BLK: variants seen among roughly 807,000 people sequenced by gnomAD.
BLK encodes the protein BLK proto-oncogene, Src family tyrosine kinase.
A neutral mutation model predicts 61.8 loss-of-function variants in BLK; 64 were observed. That is an observed-to-expected ratio of 1.03 (90% confidence interval 0.85 to 1.27). The LOEUF is 1.27. Among genes scored for constraint, BLK ranks in the 50% most tolerant of loss-of-function variants. The pLI is 0.00. For missense variants in BLK, 853 were observed against 660.5 expected, an observed-to-expected ratio of 1.29 and a Z score of -3.19; for synonymous variants, 351 against 272.0, an observed-to-expected ratio of 1.29 and a Z score of -2.86.
chr8:11,516,141 C>T (rs1799215889), intron 1 of BLK, among the ~76,000 whole-genome samples: 1 of 152,214 alleles, frequency 6.6e-6, no homozygotes, highest in Non-Finnish European at 1.5e-5. Context: ...AGACATGACG[C>T]TAAGAGGAGA....
At chr8:11,520,774 G>C (rs975000491) in intron 1 of BLK, among the ~76,000 whole-genome samples, 35 of 152,144 alleles carry the variant, frequency 2.3e-4, no homozygotes, top group Admixed American at 1.3e-3. Context: ...CAGATGATCT[G>C]TTTGTCTTTC....
chr8:11,535,621 G>A (rs1048160228), intron 1 of BLK, among the ~76,000 whole-genome samples: 2 of 152,204 alleles, frequency 1.3e-5, no homozygotes, highest in Non-Finnish European at 2.9e-5. Context: ...CGCCCATTTT[G>A]TAACCACTAA....
At chr8:11,495,411 T>C (rs889396175) in intron 1 of BLK, among the ~76,000 whole-genome samples, 1 of 152,124 alleles carries the variant, frequency 6.6e-6, no homozygotes, top group Admixed American at 6.5e-5. Context: ...ACTAAGAGTA[T>C]GGAAAGGGAG....
chr8:11,494,453 G>A lies in BLK; in HGVS notation c.-140G>A, dbSNP rs1285680079. 2.0e-5 allele frequency: 3 copies of A among 152,318 alleles called. No individual in the cohort carries two copies. Among genetic ancestry groups the A allele is most frequent in the Admixed American group, 6.5e-5 (1 of 15,290 alleles). The allele number at this position is 152,318 out of a possible 1,614,324, so 9.4% of individuals were successfully genotyped here. A position where few individuals can be genotyped will look rare whatever the true frequency, so the allele number is the denominator to read the frequency against. On this transcript the variant is annotated 5_prime_UTR_variant, in exon 1 of 13. Transcript: ENST00000259089. ...GCCACAAGCCATGAAAACTGATTGA[G>A]ATGAGAAGAATTCATCTGGGACTGG...
In BLK at chr8:11,543,244, A is replaced by G; in HGVS notation, c.20A>G (p.Lys7Arg). 6.2e-7 allele frequency: 1 copy of G among 1,614,022 alleles called. No homozygotes were observed. Among genetic ancestry groups the G allele is most frequent in the Non-Finnish European group, 8.5e-7 (1 of 1,180,006 alleles). MGLVSS[K>R]KPDKEKPIKE... is the part of the protein sequence containing the mutation. Reference sequence around the variant, plus strand: ...GACAGGATGGGGCTGGTAAGTAGCAAAAAGCCGGACAAGGAAAAGCCGATC... The same window carrying G: ...GACAGGATGGGGCTGGTAAGTAGCAGAAAGCCGGACAAGGAAAAGCCGATC... The change falls in exon 2 of 13, where the codon AAA becomes AGA. Residue 7 changes from lysine (K) to arginine (R), a missense_variant. Transcript: ENST00000259089.
At chr8:11,516,404 C>T (rs907407276) in intron 1 of BLK, among the ~76,000 whole-genome samples, 2 of 152,170 alleles carry the variant, frequency 1.3e-5, no homozygotes, top group Non-Finnish European at 2.9e-5. Flanking sequence ...TTCCCCCTTG[C>T]GGTGCAAAGA....
chr8:11,549,374 GAT>G, intron 5 of BLK, among the ~76,000 whole-genome samples: 1 of 152,338 alleles, frequency 6.6e-6, no homozygotes, highest in East Asian at 1.9e-4. Context: ...GGCTCCCCTG[GAT>G]GGAACCGGCC....
chr8:11,543,647 T>A (rs535275835), intron 2 of BLK, among the ~76,000 whole-genome samples: 3 of 152,312 alleles, frequency 2.0e-5, no homozygotes, highest in Admixed American at 2.0e-4. Context: ...CTGCAGCTAC[T>A]ACCTCTCTTC....
At chr8:11,545,141 A>G (rs1413095683) in intron 2 of BLK, among the ~76,000 whole-genome samples, 1 of 152,254 alleles carries the variant, frequency 6.6e-6, no homozygotes, top group Non-Finnish European at 1.5e-5. Flanking sequence ...CGTGTTACGC[A>G]TGTGAAACAT....
intron 3 of BLK, among the ~76,000 whole-genome samples, chr8:11,547,273 A>T (rs932277624): frequency 6.6e-6 from 1 of 152,244 alleles, no homozygotes; most frequent in African/African-American, 2.4e-5. Flanking sequence ...TTTCCTGCTG[A>T]GAAGAGGTGA....
chr8:11,504,367 G>GGAAGAAAGAAAAGAAAAGA (rs1554540059), intron 1 of BLK, among the ~76,000 whole-genome samples: 73 of 39,362 alleles, frequency 1.9e-3, no homozygotes, highest in Non-Finnish European at 3.6e-3. Context: ...AAGGAAGGAA[G>GGAAGAAAGAAAAGAAAAGA]AAAGAAAAGA....
intron 1 of BLK, among the ~76,000 whole-genome samples, chr8:11,499,683 A>G (rs1798484193): frequency 6.6e-6 from 1 of 152,186 alleles, no homozygotes. Context: ...GATCCAGGAA[A>G]TCCATGCCTC....
chr8:11,556,344 C>T (rs889511686), intron 8 of BLK: 3 of 419,450 alleles, frequency 7.2e-6, no homozygotes, highest in African/African-American at 6.1e-5. Context: ...ATAGAAGAGA[C>T]TCATTATGTA....
At chr8:11,554,289 C>T (rs1358192019) in intron 6 of BLK, 1 of 234,068 alleles carries the variant, frequency 4.3e-6, no homozygotes, top group Non-Finnish European at 8.4e-6. Flanking sequence ...CGGTGTCCGC[C>T]ATGGACATGG....
In BLK at chr8:11,550,122, G is replaced by C. The variant is rs192242424; in HGVS notation, c.369-37G>C. 3,548 of 1,574,898 alleles carry C rather than the reference G, an allele frequency of 2.3e-3. 9 individuals carry two copies. The highest frequency in any genetic ancestry group is 2.8e-3 in the Non-Finnish European group (3,251 of 1,144,622). On this transcript the variant is annotated intron_variant, in intron 5 of 12. Coordinates refer to ENST00000259089, the MANE Select transcript of BLK (RefSeq NM_001715.3). ...GTGTGGGAATACTCCGAGGAGCAGGGTCGCTCTGAGTTTCACCTGTTCCTG... is the reference window on the plus strand; with the variant it reads ...GTGTGGGAATACTCCGAGGAGCAGGCTCGCTCTGAGTTTCACCTGTTCCTG...
intron 1 of BLK, among the ~76,000 whole-genome samples, chr8:11,536,277 A>G (rs1249567005): frequency 6.6e-6 from 1 of 152,232 alleles, no homozygotes; most frequent in African/African-American, 2.4e-5. Context: ...AGTTTCATTC[A>G]TTTAGAGGAA....
intron 1 of BLK, among the ~76,000 whole-genome samples, chr8:11,540,425 T>C (rs1800324382): frequency 6.6e-6 from 1 of 152,190 alleles, no homozygotes; most frequent in African/African-American, 2.4e-5. Flanking sequence ...GCGGTTTTGA[T>C]TACAATCTTC....
At position 11,555,946 on chromosome 8, in the gene BLK, C is replaced by G. The variant is rs533046283; in HGVS notation, c.772+462C>G. The stretch of plus-strand genomic sequence containing the variant: ...TGGTGTCCTCACATTTCCATCGCTG[C>G]TGACACCTGCCCCCTTCCCCCCCCC... On this transcript the variant is annotated intron_variant, in intron 8 of 12. Coordinates refer to ENST00000259089, the MANE Select transcript of BLK (RefSeq NM_001715.3). The G allele has an allele frequency of 1.4e-5, 4 of 278,266 alleles. No homozygotes were observed. The East Asian group carries it at 3.6e-4, about 25-fold the overall frequency. The allele number at this position is 278,266 out of a possible 1,614,324, so 17.2% of individuals were successfully genotyped here.
At chr8:11,561,066 G>C (rs560525409) in intron 10 of BLK, 1 of 684,096 alleles carries the variant, frequency 1.5e-6, no homozygotes, top group Non-Finnish European at 2.7e-6. Context: ...AGAACGAGGA[G>C]GGGGAGGGGC....
Sources: gnomAD v4.1 joint callset for allele counts (sites outside exome capture counted in the v4.1 genomes callset) on GRCh38, gnomAD v4.1.1 for gene constraint, MANE v1.5 for transcripts, NCBI Gene and HGNC (gene_info 2026-07-23, HGNC 2026-07-21) for gene names.